Variants in KCNH8 observed in about 807,000 individuals in gnomAD.
KCNH8 encodes potassium voltage-gated channel subfamily H member 8, also known as voltage-gated delayed rectifier potassium channel KCNH8.
KCNH8 carries 70 observed loss-of-function variants against 103.6 expected under a neutral mutation model. That is an observed-to-expected ratio of 0.68 (90% CI 0.56 to 0.82). The LOEUF (loss-of-function observed/expected upper bound fraction) is 0.82, where lower values mean the gene tolerates loss of function less well. Ranked by LOEUF, KCNH8 falls within the 40% of genes least tolerant of loss-of-function variation. KCNH8 has a pLI of 0.00. For synonymous variants in KCNH8, 498 were observed against 489.4 expected (o/e 1.02, Z -0.23); for missense variants, 1,217 against 1,329.9 (o/e 0.92, Z 1.32).
At chr3:19,407,839 C>T (rs544108385) in intron 7 of KCNH8, among the ~76,000 whole-genome samples, 1 of 152,186 alleles carries the variant, frequency 6.6e-6, no homozygotes, top group East Asian at 1.9e-4. Flanking sequence ...CTTCAGCTGC[C>T]CCTATTACCA....
chr3:19,308,906 T>C (rs1333530629), intron 3 of KCNH8, among the ~76,000 whole-genome samples: 2 of 151,486 alleles, frequency 1.3e-5, no homozygotes, highest in Non-Finnish European at 2.9e-5. Flanking sequence ...TAATCTGTTT[T>C]TAAGGGAGCA....
intron 1 of KCNH8, among the ~76,000 whole-genome samples, chr3:19,220,265 G>A (rs773401081): frequency 1.3e-5 from 2 of 152,190 alleles, no homozygotes; most frequent in Non-Finnish European, 2.9e-5. Context: ...CCCAGCTGAA[G>A]TACAGTCTCA....
chr3:19,204,945 G>A (rs1035259152), intron 1 of KCNH8, among the ~76,000 whole-genome samples: 1 of 152,010 alleles, frequency 6.6e-6, no homozygotes, highest in Non-Finnish European at 1.5e-5. Flanking sequence ...CATGGACAAG[G>A]ATGTCAAATG....
chr3:19,227,259 C>T (rs1038461041), intron 1 of KCNH8, among the ~76,000 whole-genome samples: 1 of 152,152 alleles, frequency 6.6e-6, no homozygotes, highest in Non-Finnish European at 1.5e-5. Flanking sequence ...TTTCTTTCCA[C>T]CTGGGGCCAA....
chr3:19,181,667 C>G (rs1226454135), intron 1 of KCNH8, among the ~76,000 whole-genome samples: 2 of 151,928 alleles, frequency 1.3e-5, no homozygotes, highest in Non-Finnish European at 2.9e-5. Flanking sequence ...GTTGAATAAG[C>G]AAATAGCAAA....
At chr3:19,381,756 G>A (rs926831282) in intron 5 of KCNH8, among the ~76,000 whole-genome samples, 1 of 152,120 alleles carries the variant, frequency 6.6e-6, no homozygotes, top group Admixed American at 6.5e-5. Flanking sequence ...AGAGCAACAT[G>A]AAATTTCATA....
In KCNH8 at chr3:19,347,906, T is replaced by C; in HGVS notation, c.752T>C (p.Leu251Pro). The C allele has an allele frequency of 6.2e-7, 1 of 1,613,324 alleles. No individual in the cohort carries two copies. The highest frequency in any genetic ancestry group is 8.5e-7 in the Non-Finnish European group (1 of 1,179,438). Residue 251 changes from leucine to proline, a missense_variant, in exon 5 of 16, where the codon CTG becomes CCG. Transcript: ENST00000328405. Reference sequence around the variant, plus strand: ...GTTTGCTTTATTGGCAATGACGACCTGTCCACAACTCGGAGCACAACCGTC... The same window carrying C: ...GTTTGCTTTATTGGCAATGACGACCCGTCCACAACTCGGAGCACAACCGTC... ...YNVCFIGNDD[L>P]STTRSTTVSD...
intron 1 of KCNH8, among the ~76,000 whole-genome samples, chr3:19,205,095 A>G (rs1338191235): frequency 6.6e-6 from 1 of 151,936 alleles, no homozygotes; most frequent in Non-Finnish European, 1.5e-5. Context: ...CAAACCAGTC[A>G]TCTACTTACC....
intron 3 of KCNH8, among the ~76,000 whole-genome samples, chr3:19,291,301 G>C (rs2064921641): frequency 6.6e-6 from 1 of 151,986 alleles, no homozygotes; most frequent in Non-Finnish European, 1.5e-5. Context: ...GAATGTGTTT[G>C]CTCTTGCTTT....
chr3:19,383,306 C>T (rs979881340), intron 5 of KCNH8, among the ~76,000 whole-genome samples: 52 of 152,186 alleles, frequency 3.4e-4, no homozygotes, highest in African/African-American at 1.3e-3. Context: ...ATTGAGCATA[C>T]ATGTGGGATT....
At chr3:19,358,898 A>T (rs554999049) in intron 5 of KCNH8, among the ~76,000 whole-genome samples, 2 of 151,882 alleles carry the variant, frequency 1.3e-5, no homozygotes, top group African/African-American at 2.4e-5. Flanking sequence ...GGACCCAGTG[A>T]TTTCAAAACA....
chr3:19,465,134 T>C (rs1488479789), intron 11 of KCNH8, among the ~76,000 whole-genome samples: 2 of 152,224 alleles, frequency 1.3e-5, no homozygotes, highest in Non-Finnish European at 2.9e-5. Flanking sequence ...AGGAAGAAGA[T>C]GCCATCTAGG....
At chr3:19,209,377 T>C (rs2063747603) in intron 1 of KCNH8, among the ~76,000 whole-genome samples, 1 of 152,096 alleles carries the variant, frequency 6.6e-6, no homozygotes, top group African/African-American at 2.4e-5. Flanking sequence ...AGGAAAATGT[T>C]ATTTTACTTT....
chr3:19,259,711 T>A (rs569485212), intron 2 of KCNH8, among the ~76,000 whole-genome samples: 1 of 151,932 alleles, frequency 6.6e-6, no homozygotes, highest in South Asian at 2.1e-4. Flanking sequence ...TTCAATTGTT[T>A]GTGAAATGGA....
At chr3:19,397,430 A>G (rs2125135832) in intron 7 of KCNH8, among the ~76,000 whole-genome samples, 1 of 151,614 alleles carries the variant, frequency 6.6e-6, no homozygotes, top group African/African-American at 2.4e-5. Flanking sequence ...TTGAAAGTCT[A>G]TTTCTGGTTT....
intron 2 of KCNH8, among the ~76,000 whole-genome samples, chr3:19,269,188 A>T (rs890932377): frequency 1.3e-5 from 2 of 152,058 alleles, no homozygotes; most frequent in Non-Finnish European, 2.9e-5. Context: ...AAAATAACTT[A>T]TAACTCGGAC....
At chr3:19,348,872 A>G (rs1575545666) in intron 5 of KCNH8, among the ~76,000 whole-genome samples, 1 of 151,362 alleles carries the variant, frequency 6.6e-6, no homozygotes, top group African/African-American at 2.4e-5. Flanking sequence ...GCACATCAAA[A>G]CCTTGGTTCA....
At chr3:19,314,017 C>T (rs116525486) in intron 3 of KCNH8, among the ~76,000 whole-genome samples, 323 of 151,926 alleles carry the variant, frequency 2.1e-3, no homozygotes, top group African/African-American at 7.6e-3. Flanking sequence ...TCTCCCCCCA[C>T]CCCTTTAAAC....
intron 1 of KCNH8, among the ~76,000 whole-genome samples, chr3:19,216,875 T>C (rs987486587): frequency 1.3e-5 from 2 of 152,222 alleles, no homozygotes; most frequent in African/African-American, 2.4e-5. Flanking sequence ...AGGACGCCGA[T>C]GCTTGCCAGG....
Sources: allele counts gnomAD v4.1 joint callset (sites outside exome capture counted in the v4.1 genomes callset), GRCh38; gene constraint gnomAD v4.1.1; transcripts MANE v1.5; gene names NCBI Gene and HGNC (gene_info 2026-07-23, HGNC 2026-07-21).